Variants in NECTIN2 observed in about 807,000 individuals in gnomAD.
The protein encoded by NECTIN2 is nectin-2.
In NECTIN2, 23 loss-of-function variants were observed where a neutral mutation model predicts 56.9. The observed-to-expected ratio is 0.40, with a 90% CI of 0.29 to 0.57. NECTIN2 has a LOEUF of 0.57. Ranked by LOEUF, NECTIN2 falls within the 20% of genes least tolerant of loss-of-function variation. The probability of loss-of-function intolerance (pLI) is 0.38; values close to 1 mark genes in which losing one functional copy is unlikely to be tolerated. For missense variants in NECTIN2, 587 were observed against 718.3 expected, an observed-to-expected ratio of 0.82 and a Z score of 2.09; for synonymous variants, 302 against 313.8, an observed-to-expected ratio of 0.96 and a Z score of 0.40.
In NECTIN2 at chr19:44,888,293, C is replaced by T; in HGVS notation, c.1531C>T (p.Pro511Ser). The change falls in exon 9 of 9, where the codon CCC (proline) becomes TCC (serine). Residue 511 changes from proline (P) to serine (S), a missense_variant. By Grantham distance (74) the Pro-to-Ser change is moderately conservative. Coordinates refer to ENST00000252483, the MANE Select transcript of NECTIN2 (RefSeq NM_001042724.2). ...GGAAGAGTATCTGGACAAGATCAAC[C>T]CCATCTATGATGCTCTGTCCTATAG... ...EEEEYLDKIN[P>S]IYDALSYSSP... The T allele has an allele frequency of 1.9e-6, 3 of 1,613,924 alleles. No homozygotes were observed. Among genetic ancestry groups the T allele is most frequent in the Non-Finnish European group, 2.5e-6 (3 of 1,179,912 alleles).
At chr19:44,861,064 A>G (rs1568589874) in intron 1 of NECTIN2, among the ~76,000 whole-genome samples, 1 of 152,158 alleles carries the variant, frequency 6.6e-6, no homozygotes, top group East Asian at 1.9e-4. Context: ...AACATCATTA[A>G]TCATCAGAGA....
In NECTIN2 at chr19:44,888,374, G is replaced by A. The variant is rs1449845709; in HGVS notation, c.1612G>A (p.Val538Met). ...CTTTGTCATGTCCCGGGCCATGTAT[G>A]TGTGAGCTGCCATGCGCCTGGCGTC... ...KGFVMSRAMYV is the reference protein window; with the variant it reads ...KGFVMSRAMYM The change falls in exon 9 of 9, where the codon GTG becomes ATG. Residue 538 changes from valine to methionine, a missense_variant. By Grantham distance (21) the Val-to-Met change is conservative. Transcript: ENST00000252483. 1.2e-6 allele frequency: 2 copies of A among 1,609,410 alleles called. No individual in the cohort carries two copies. The highest frequency in any genetic ancestry group is 8.5e-7 in the Non-Finnish European group (1 of 1,176,216).
intron 1 of NECTIN2, among the ~76,000 whole-genome samples, chr19:44,859,212 G>A (rs1395521023): frequency 6.6e-6 from 1 of 152,156 alleles, no homozygotes; most frequent in Non-Finnish European, 1.5e-5. Context: ...TCCTGGCCTG[G>A]GGGCTGAGTG....
rs1405672370 is a variant in NECTIN2, at chr19:44,886,009, T to C, written c.1260+9T>C. 12 of 1,598,586 alleles carry C rather than the reference T, an allele frequency of 7.5e-6. No individual in the cohort carries two copies. Among genetic ancestry groups the C allele is most frequent in the Non-Finnish European group, 1.0e-5 (12 of 1,166,022 alleles). On this transcript the variant is annotated intron_variant, in intron 7 of 8. Coordinates refer to ENST00000252483, the MANE Select transcript of NECTIN2 (RefSeq NM_001042724.2). The stretch of plus-strand genomic sequence containing the variant: ...TGGAGGCACAGGAGATGGTGAGCAC[T>C]TTCCCTGGAGCCCAAGCTATCCCCA...
chr19:44,851,704 C>G (rs1968901633), intron 1 of NECTIN2, among the ~76,000 whole-genome samples: 1 of 152,222 alleles, frequency 6.6e-6, no homozygotes, highest in Non-Finnish European at 1.5e-5. Flanking sequence ...TCTGGCTTGC[C>G]CAGTGACACT....
intron 1 of NECTIN2, among the ~76,000 whole-genome samples, chr19:44,849,085 G>T (rs1448886749): frequency 6.6e-6 from 1 of 152,156 alleles, no homozygotes; most frequent in Non-Finnish European, 1.5e-5. Context: ...AGAGAGGCTG[G>T]AGCTACAAGG....
intron 1 of NECTIN2, among the ~76,000 whole-genome samples, chr19:44,848,985 G>C (rs548792020): frequency 1.2e-4 from 19 of 152,182 alleles, no homozygotes; most frequent in Non-Finnish European, 2.5e-4. Flanking sequence ...CGTAGTGGAG[G>C]GGGAGGGGAG....
chr19:44,847,348 G>C (rs755622633), intron 1 of NECTIN2, among the ~76,000 whole-genome samples: 1 of 152,118 alleles, frequency 6.6e-6, no homozygotes, highest in African/African-American at 2.4e-5. Context: ...GTAAAACTGG[G>C]GGCGAGAGAG....
At chr19:44,882,479 C>CT (rs750720725) in intron 6 of NECTIN2, 115 bp downstream of exon 6, 24 of 996,978 alleles carry the variant, frequency 2.4e-5, no homozygotes, top group Non-Finnish European at 2.9e-5. Context: ...ACAGACAGAC[C>CT]TAAAGGAACT....
Position 44,878,742 on chromosome 19 carries a change from C to T in NECTIN2, c.1043-3469C>T, listed in dbSNP as rs144458572. 7.1e-4 allele frequency: 1,035 copies of T among 1,458,546 alleles called. 11 individuals carry two copies. In the African/African-American group the frequency reaches 0.013, roughly 19 times the overall value. 90.4% of individuals were successfully genotyped at this position (1,458,546 alleles called of 1,614,324 possible). ...GGACGACACTGGAGTGGAACACTGC[C>T]TCCCACTTTCTTGGGACTTGGAGGG... On this transcript the variant is annotated intron_variant, in intron 5 of 8. Transcript: ENST00000252483.
At chr19:44,848,122 C>G (rs1342181431) in intron 1 of NECTIN2, among the ~76,000 whole-genome samples, 1 of 152,294 alleles carries the variant, frequency 6.6e-6, no homozygotes, top group East Asian at 1.9e-4. Context: ...CAGGATGGCT[C>G]TCACTGGCCT....
chr19:44,875,688 G>A lies in NECTIN2; in HGVS notation c.1042+1210G>A, dbSNP rs990681207. On this transcript the variant is annotated intron_variant, in intron 5 of 8. Transcript: ENST00000252483. The surrounding 1 kb of genome is among the most constrained non-coding windows in gnomAD (Gnocchi z 4.2). ...GTGTAGGGACAAACTCCCAGACAGG[G>A]GCTGTCCCTGTCATGCAGACAGACT... Among the ~76,000 whole-genome samples the A allele has an allele frequency of 5.3e-5, 8 of 152,150 alleles. No individual in the cohort carries two copies. Among genetic ancestry groups the A allele is most frequent in the Non-Finnish European group, 1.0e-4 (7 of 68,026 alleles).
At chr19:44,879,993 C>G (rs960834966) in intron 5 of NECTIN2, among the ~76,000 whole-genome samples, 11 of 151,918 alleles carry the variant, frequency 7.2e-5, no homozygotes, top group Non-Finnish European at 1.3e-4. Flanking sequence ...GTCTCTCTCT[C>G]TCACTCCCCC....
At chr19:44,859,633 G>A (rs1433429838) in intron 1 of NECTIN2, among the ~76,000 whole-genome samples, 1 of 152,162 alleles carries the variant, frequency 6.6e-6, no homozygotes, top group Non-Finnish European at 1.5e-5. Context: ...AAACCAGCCT[G>A]ACCAACATGG....
intron 3 of NECTIN2, among the ~76,000 whole-genome samples, chr19:44,872,843 T>TATATAAATTATATATTATATATTAAC (rs1969193213): frequency 6.8e-6 from 1 of 147,710 alleles, no homozygotes; most frequent in Non-Finnish European, 1.5e-5. Context: ...TTATATAAAA[T>TATATAAATTATATATTATATATTAAC]ATATAAATTA....
intron 5 of NECTIN2, among the ~76,000 whole-genome samples, chr19:44,876,095 G>A (rs541201179): frequency 1.1e-4 from 16 of 152,196 alleles, no homozygotes; most frequent in South Asian, 8.3e-4. Context: ...GAAACTCCCC[G>A]AAACTCCTCC....
intron 5 of NECTIN2, chr19:44,878,718 G>A: frequency 1.3e-6 from 2 of 1,498,942 alleles, no homozygotes. Flanking sequence ...TGTTCGTCTG[G>A]ACGACACTGG....
intron 8 of NECTIN2, among the ~76,000 whole-genome samples, chr19:44,887,514 G>A (rs1031254209): frequency 4.1e-5 from 6 of 147,038 alleles, no homozygotes; most frequent in South Asian, 2.2e-4. Flanking sequence ...GCGTGGTGGC[G>A]GGCGCCTGTA....
At chr19:44,888,067 C>G (rs756432358) in intron 8 of NECTIN2, 43 bp from the exon 9 acceptor site, 10 of 1,586,548 alleles carry the variant, frequency 6.3e-6, no homozygotes, top group Non-Finnish European at 5.2e-6. Context: ...CTGTGTCGTG[C>G]GTAGGAAGTG....
Sources: allele counts gnomAD v4.1 joint callset (sites outside exome capture counted in the v4.1 genomes callset), GRCh38; gene constraint gnomAD v4.1.1; non-coding constraint Gnocchi (gnomAD v3.1); transcripts MANE v1.5; gene names NCBI Gene and HGNC (gene_info 2026-07-23, HGNC 2026-07-21).